ANK3: variants seen among roughly 807,000 people sequenced by gnomAD.
The protein encoded by ANK3 is ankyrin-3.
A neutral mutation model predicts 370.9 loss-of-function variants in ANK3; 57 were observed. That is an observed-to-expected ratio of 0.15 (90% confidence interval 0.12 to 0.19). The LOEUF (loss-of-function observed/expected upper bound fraction) is 0.19, where lower values mean the gene tolerates loss of function less well. Ranked by LOEUF, ANK3 falls within the 10% of genes least tolerant of loss-of-function variation. ANK3 has a pLI of 1.00. For synonymous variants in ANK3, 1,929 were observed against 1,946.3 expected (o/e 0.99, Z 0.23); for missense variants, 4,439 against 5,302.1 (o/e 0.84, Z 5.06).
intron 1 of ANK3, among the ~76,000 whole-genome samples, chr10:60,351,642 A>T (rs576575520): frequency 2.6e-5 from 4 of 152,320 alleles, no homozygotes; most frequent in South Asian, 4.1e-4. Context: ...TTTGAACTTT[A>T]TTGGGAAACT....
intron 4 of ANK3, among the ~76,000 whole-genome samples, chr10:60,272,320 G>A (rs752859241): frequency 1.3e-5 from 2 of 151,986 alleles, no homozygotes; most frequent in Non-Finnish European, 2.9e-5. Flanking sequence ...AACAAGAAAA[G>A]AAAAGAAAAG....
chr10:60,063,823 C>G, intron 39 of ANK3, among the ~76,000 whole-genome samples: 1 of 152,218 alleles, frequency 6.6e-6, no homozygotes, highest in Middle Eastern at 3.2e-3. Flanking sequence ...ATAGTGGTAA[C>G]TTCGGAGTGT....
chr10:60,329,743 T>C (rs1019381194), intron 1 of ANK3, among the ~76,000 whole-genome samples: 7 of 152,238 alleles, frequency 4.6e-5, no homozygotes, highest in African/African-American at 1.7e-4. Context: ...GCTATCCTCA[T>C]CAAGCTACCA....
intron 1 of ANK3, among the ~76,000 whole-genome samples, chr10:60,357,834 G>C (rs1402050524): frequency 1.3e-5 from 2 of 151,974 alleles, no homozygotes; most frequent in Non-Finnish European, 2.9e-5. Flanking sequence ...CTGCCACTCT[G>C]CCAACCTTCT....
chr10:60,662,295 G>A (rs1394846018), intron 1 of ANK3, among the ~76,000 whole-genome samples: 4 of 152,066 alleles, frequency 2.6e-5, no homozygotes, highest in African/African-American at 9.7e-5. Flanking sequence ...AACATAGTAT[G>A]TGCCCACTTC....
At chr10:60,229,324 T>C (rs776111282) in intron 8 of ANK3, among the ~76,000 whole-genome samples, 4 of 152,218 alleles carry the variant, frequency 2.6e-5, no homozygotes, top group Non-Finnish European at 5.9e-5. Context: ...ATATCTATTT[T>C]AGAACTCAAG....
At chr10:60,600,729 G>A (rs1409609700) in intron 2 of ANK3, among the ~76,000 whole-genome samples, 1 of 151,946 alleles carries the variant, frequency 6.6e-6, no homozygotes, top group Non-Finnish European at 1.5e-5. Context: ...TAAGTTACAA[G>A]GTTATATGTA....
chr10:60,344,103 G>T (rs1458441927), intron 1 of ANK3, among the ~76,000 whole-genome samples: 2 of 152,198 alleles, frequency 1.3e-5, no homozygotes, highest in African/African-American at 4.8e-5. Context: ...GGCCTTGCCT[G>T]CCCGCCATTG....
intron 8 of ANK3, among the ~76,000 whole-genome samples, chr10:60,232,208 T>C (rs2097256493): frequency 6.6e-6 from 1 of 152,222 alleles, no homozygotes; most frequent in African/African-American, 2.4e-5. Context: ...TTTGCTGTTC[T>C]GTTGATTGAC....
chr10:60,191,797 G>A (rs1342564186), intron 16 of ANK3, among the ~76,000 whole-genome samples: 1 of 152,190 alleles, frequency 6.6e-6, no homozygotes. Flanking sequence ...GCACTCGTAT[G>A]TTCATTGCAG....
chr10:60,278,906 C>A (rs1281033579), intron 3 of ANK3, 34 bp from the exon 4 acceptor site: 24 of 1,601,244 alleles, frequency 1.5e-5, no homozygotes, highest in Non-Finnish European at 2.1e-5. Context: ...ATCAACTCAT[C>A]GATCTTTTGA....
At chr10:60,330,570 G>A (rs966034367) in intron 1 of ANK3, among the ~76,000 whole-genome samples, 1 of 152,028 alleles carries the variant, frequency 6.6e-6, no homozygotes, top group Non-Finnish European at 1.5e-5. Context: ...ACCACAATGA[G>A]CTCTCACGCC....
intron 1 of ANK3, among the ~76,000 whole-genome samples, chr10:60,627,340 A>G (rs1157981003): frequency 6.6e-6 from 1 of 152,044 alleles, no homozygotes; most frequent in African/African-American, 2.4e-5. Context: ...AAACAAAGAC[A>G]GTTAAAAGGG....
At chr10:60,557,191 C>G (rs2077227106) in intron 2 of ANK3, among the ~76,000 whole-genome samples, 1 of 152,172 alleles carries the variant, frequency 6.6e-6, no homozygotes, top group Non-Finnish European at 1.5e-5. Flanking sequence ...AAAACTTATA[C>G]AGGATGTTTG....
intron 1 of ANK3, among the ~76,000 whole-genome samples, chr10:60,385,932 T>G (rs191395484): frequency 6.6e-6 from 1 of 152,006 alleles, no homozygotes; most frequent in Non-Finnish European, 1.5e-5. Flanking sequence ...TATTTTATAG[T>G]GTATGTGGGG....
intron 1 of ANK3, among the ~76,000 whole-genome samples, chr10:60,683,276 A>G (rs910019427): frequency 7.2e-5 from 11 of 152,218 alleles, no homozygotes; most frequent in South Asian, 2.1e-4. Flanking sequence ...ACAACTGATA[A>G]TTTCTGGCCT....
chr10:60,554,630 G>A (rs752028005), intron 2 of ANK3, among the ~76,000 whole-genome samples: 3 of 152,194 alleles, frequency 2.0e-5, no homozygotes, highest in East Asian at 1.9e-4. Context: ...TCCAAACTTC[G>A]TCCAATAGAT....
At chr10:60,325,336 T>C (rs1033036276) in intron 1 of ANK3, among the ~76,000 whole-genome samples, 7 of 152,334 alleles carry the variant, frequency 4.6e-5, no homozygotes, top group Middle Eastern at 3.4e-3. Flanking sequence ...TCTCTGCAGT[T>C]AGCAGGAGAC....
rs140856078 is a variant in ANK3 at position 60,168,333 on chromosome 10, A to C, written c.2479-1437T>G. 4.7e-3 allele frequency among the ~76,000 whole-genome samples: 710 copies of C among 152,296 alleles called. 2 individuals are homozygous for C. Among genetic ancestry groups the C allele is most frequent in the Non-Finnish European group, 6.7e-3 (456 of 68,024 alleles). On this transcript the variant is annotated intron_variant, in intron 21 of 43. Transcript: ENST00000280772. ...GAGCCACCGCGCCTGGCCTATTATT[A>C]AAATCTTTTATTAGCATGGAAAATA...
Sources: allele counts gnomAD v4.1 joint callset (sites outside exome capture counted in the v4.1 genomes callset), GRCh38; gene constraint gnomAD v4.1.1; transcripts MANE v1.5; gene names NCBI Gene and HGNC (gene_info 2026-07-23, HGNC 2026-07-21).